PDLIM7: variants seen among roughly 807,000 people sequenced by gnomAD.
PDLIM7 encodes PDZ and LIM domain 7, also known as PDZ and LIM domain protein 7.
A neutral mutation model predicts 53.9 loss-of-function variants in PDLIM7; 37 were observed. The observed-to-expected ratio is 0.69, with a 90% CI of 0.53 to 0.90. The LOEUF is 0.90. PDLIM7 is among the 40% of genes least tolerant of loss of function. The pLI is 0.00. For synonymous variants in PDLIM7, 300 were observed against 261.3 expected, an observed-to-expected ratio of 1.15 and a Z score of -1.43; for missense variants, 617 against 638.5, an observed-to-expected ratio of 0.97 and a Z score of 0.36.
intron 7 of PDLIM7, chr5:177,490,318 G>A (rs981144788): frequency 6.9e-7 from 1 of 1,446,638 alleles, no homozygotes; most frequent in African/African-American, 1.4e-5. Context: ...AGGGCAAAGA[G>A]GGAAGGCAGT....
chr5:177,488,394 TG>T, intron 9 of PDLIM7, 146 bp from the exon 10 acceptor site: 1 of 651,232 alleles, frequency 1.5e-6, no homozygotes, highest in Non-Finnish European at 2.5e-6. Context: ...AAGACAGGCT[TG>T]GGAAGTGACC....
rs754501310 is a variant in PDLIM7, at chr5:177,492,562, C to G, written c.212G>C (p.Arg71Pro). 24 of 1,613,702 alleles carry G rather than the reference C, an allele frequency of 1.5e-5. No individual in the cohort carries two copies. Among genetic ancestry groups the G allele is most frequent in the Non-Finnish European group, 1.9e-5 (22 of 1,179,758 alleles). ...CAGGCTGAGGCGCTCCCCGCAGGCC[C>G]GGATCTTGTTCTGAGCTTCGATGTG... ...LTHIEAQNKI[R>P]ACGERLSLGL... The change falls in exon 3 of 13, where the codon CGG becomes CCG. Residue 71 changes from arginine (R) to proline (P), a missense_variant. Physicochemically the swap from Arg to Pro is moderately radical, Grantham distance 103. Coordinates refer to ENST00000355841, the MANE Select transcript of PDLIM7 (RefSeq NM_005451.5).
intron 5 of PDLIM7, among the ~76,000 whole-genome samples, chr5:177,491,594 T>G (rs530129329): frequency 6.6e-6 from 1 of 151,466 alleles, no homozygotes; most frequent in Non-Finnish European, 1.5e-5. Flanking sequence ...GGGCGCGGCG[T>G]CATTCAGAGA....
chr5:177,497,081 G>T (rs1342420923), intron 1 of PDLIM7, among the ~76,000 whole-genome samples: 1 of 150,516 alleles, frequency 6.6e-6, no homozygotes, highest in Non-Finnish European at 1.5e-5. Context: ...GCCATTCCGG[G>T]ACCAGTCGAG....
rs150530756 is a variant in PDLIM7, at chr5:177,487,686, T to C, written c.1050+382A>G. ...ATGAACATCACCACACAGAGCTCTCTGGCTACTCCTGGCAGCCCTGGCTCT... is the reference window on the plus strand; with the variant it reads ...ATGAACATCACCACACAGAGCTCTCCGGCTACTCCTGGCAGCCCTGGCTCT... On this transcript the variant is annotated intron_variant, in intron 10 of 12. Coordinates refer to ENST00000355841, the MANE Select transcript of PDLIM7 (RefSeq NM_005451.5). Among the ~76,000 whole-genome samples, 1,253 of 152,310 alleles carry C rather than the reference T, an allele frequency of 8.2e-3. 17 individuals carry two copies. Among genetic ancestry groups the C allele is most frequent in the African/African-American group, 0.029 (1,190 of 41,584 alleles).
At chr5:177,493,725 C>T (rs1195330878) in intron 2 of PDLIM7, among the ~76,000 whole-genome samples, 1 of 152,088 alleles carries the variant, frequency 6.6e-6, no homozygotes, top group Non-Finnish European at 1.5e-5. Context: ...TTGACTGGGT[C>T]CAAGCCTAAG....
Position 177,488,048 on chromosome 5 carries a change from C to G in PDLIM7, c.1050+20G>C. On this transcript the variant is annotated intron_variant, in intron 10 of 12. Transcript: ENST00000355841. ...ACTGACAGGCTTGGGACCACCTCCC[C>G]GCCAGCCAGCCCTACTCACGCCTGT... The G allele has an allele frequency of 6.4e-7, 1 of 1,560,948 alleles. No individual in the cohort carries two copies.
chr5:177,496,112 C>A (rs1759056968), intron 2 of PDLIM7, among the ~76,000 whole-genome samples: 1 of 152,152 alleles, frequency 6.6e-6, no homozygotes, highest in African/African-American at 2.4e-5. Context: ...AGTTTAGATA[C>A]CTCCTGAAAT....
intron 10 of PDLIM7, chr5:177,487,781 T>G: frequency 6.5e-6 from 2 of 306,450 alleles, no homozygotes. Context: ...TTCTGTCATT[T>G]CACCAGGGCA....
intron 2 of PDLIM7, among the ~76,000 whole-genome samples, chr5:177,494,290 C>T (rs1156272014): frequency 6.6e-6 from 1 of 152,232 alleles, no homozygotes; most frequent in African/African-American, 2.4e-5. Context: ...GCCACCTCTG[C>T]TGAGCATGGG....
chr5:177,491,675 C>A (rs894223435), intron 5 of PDLIM7, 132 bp downstream of exon 5: 33 of 633,500 alleles, frequency 5.2e-5, no homozygotes, highest in African/African-American at 3.8e-5. Flanking sequence ...AGCCCCACCC[C>A]GGCCGCCAGG....
At position 177,489,492 on chromosome 5, in the gene PDLIM7, C is replaced by G. The variant is rs752572576; in HGVS notation, c.770G>C (p.Ser257Thr). The G allele has an allele frequency of 1.5e-5, 24 of 1,608,040 alleles. No individual in the cohort carries two copies. Among genetic ancestry groups the G allele is most frequent in the Non-Finnish European group, 2.0e-5 (24 of 1,178,012 alleles). Residue 257 changes from serine to threonine, a missense_variant, in exon 9 of 13, where the codon AGC becomes ACC. Transcript: ENST00000355841. ...SQPATPTPLQ[S>T]RTSIVQAAAG... ...AGCTGCCTGCACAATGGAGGTGCGG[C>G]TCTGCAGCGGCGTGGGCGTGGCCGG...
At position 177,489,632 on chromosome 5, in the gene PDLIM7, C is replaced by G; in HGVS notation, c.635-5G>C. On this transcript the variant is annotated splice_polypyrimidine_tract_variant and splice_region_variant and intron_variant, in intron 8 of 12. Coordinates refer to ENST00000355841, the MANE Select transcript of PDLIM7 (RefSeq NM_005451.5). Reference sequence around the variant, plus strand: ...TAGGGCTGGGGGCGGTAGGGCCTGCCGGGGAAAGTGACTCTAAAGGGGTGC... The same window carrying G: ...TAGGGCTGGGGGCGGTAGGGCCTGCGGGGGAAAGTGACTCTAAAGGGGTGC... The G allele has an allele frequency of 6.3e-7, 1 of 1,580,590 alleles. No individual in the cohort carries two copies. Among genetic ancestry groups the G allele is most frequent in the Non-Finnish European group, 8.6e-7 (1 of 1,166,078 alleles).
chr5:177,490,091 G>A, intron 7 of PDLIM7: 1 of 1,526,340 alleles, frequency 6.6e-7, no homozygotes, highest in African/African-American at 1.4e-5. Context: ...CCTCATGCCA[G>A]GAAGCCATCT....
At position 177,485,710 on chromosome 5, in the gene PDLIM7, C is replaced by T. The variant is rs117444961; in HGVS notation, c.1051-1520G>A. Among the ~76,000 whole-genome samples the T allele has an allele frequency of 5.8e-4, 89 of 152,308 alleles. 1 individual carries two copies. In the East Asian group the frequency reaches 0.014, roughly 24 times the overall value. ...AGGTGTTAAAGAGAAATCTGCTGGGCGCAGTGGCTCACGTCTGTAATCCCA... is the reference window on the plus strand; with the variant it reads ...AGGTGTTAAAGAGAAATCTGCTGGGTGCAGTGGCTCACGTCTGTAATCCCA... On this transcript the variant is annotated intron_variant, in intron 10 of 12. Coordinates refer to ENST00000355841, the MANE Select transcript of PDLIM7 (RefSeq NM_005451.5).
intron 10 of PDLIM7, among the ~76,000 whole-genome samples, chr5:177,487,521 C>A (rs1314353995): frequency 1.3e-5 from 2 of 152,236 alleles, no homozygotes; most frequent in Non-Finnish European, 2.9e-5. Flanking sequence ...GCAGGTGCTG[C>A]CAACAGTCAA....
chr5:177,489,248 C>G (rs1167096761), intron 9 of PDLIM7, 145 bp downstream of exon 9: 1 of 667,968 alleles, frequency 1.5e-6, no homozygotes, highest in Non-Finnish European at 2.6e-6. Context: ...AATGGGAGGA[C>G]CCAGCCCAGG....
chr5:177,492,302 C>T, intron 4 of PDLIM7, 103 bp downstream of exon 4: 2 of 1,460,134 alleles, frequency 1.4e-6, no homozygotes, highest in East Asian at 2.5e-5. Flanking sequence ...CCCTCCACTC[C>T]CGGCCAGGGA....
In PDLIM7 at chr5:177,491,069, G is replaced by C; in HGVS notation, c.476C>G (p.Pro159Arg). Residue 159 changes from proline to arginine, a missense_variant, in exon 6 of 13, where the codon CCG (proline) becomes CGG (arginine). Coordinates refer to ENST00000355841, the MANE Select transcript of PDLIM7 (RefSeq NM_005451.5). ...MENTEDWRPR[P>R]GTGQSRSFRI... Reference sequence around the variant, plus strand: ...GAAGGAACGCGACTGGCCTGTCCCCGGCCGCGGCCGCCAGTCCTCTGTGTT... The same window carrying C: ...GAAGGAACGCGACTGGCCTGTCCCCCGCCGCGGCCGCCAGTCCTCTGTGTT... 6.2e-7 allele frequency: 1 copy of C among 1,610,786 alleles called. No individual in the cohort carries two copies. The highest frequency in any genetic ancestry group is 8.5e-7 in the Non-Finnish European group (1 of 1,178,846).
Sources: allele counts gnomAD v4.1 joint callset (sites outside exome capture counted in the v4.1 genomes callset), GRCh38; gene constraint gnomAD v4.1.1; transcripts MANE v1.5; gene names NCBI Gene and HGNC (gene_info 2026-07-23, HGNC 2026-07-21).